The following ESRRG variants were observed in gnomAD, a reference collection of about 807,000 sequenced individuals.
The protein encoded by ESRRG is estrogen-related receptor gamma.
In ESRRG, 13 loss-of-function variants were observed where a neutral mutation model predicts 44.0. The observed-to-expected ratio is 0.30, with a 90% confidence interval of 0.19 to 0.47. The LOEUF (loss-of-function observed/expected upper bound fraction) is 0.47, where lower values mean the gene tolerates loss of function less well. Among genes scored for constraint, ESRRG ranks in the 20% least tolerant of loss-of-function variants. The pLI is 1.00. For missense variants in ESRRG, 395 were observed against 580.6 expected, an observed-to-expected ratio of 0.68 and a Z score of 3.29; for synonymous variants, 215 against 214.6, an observed-to-expected ratio of 1.00 and a Z score of -0.02.
intron 2 of ESRRG, among the ~76,000 whole-genome samples, chr1:216,733,068 A>C (rs1297659718): frequency 4.8e-3 from 3 of 630 alleles, no homozygotes. Flanking sequence ...CAATAATCCA[A>C]AAAAAAAAAA....
At chr1:216,648,285 T>A (rs1030068664) in intron 3 of ESRRG, among the ~76,000 whole-genome samples, 2 of 152,132 alleles carry the variant, frequency 1.3e-5, no homozygotes, top group Admixed American at 1.3e-4. Context: ...CATTTACTCA[T>A]AACCATCCCA....
intron 2 of ESRRG, among the ~76,000 whole-genome samples, chr1:216,780,386 C>A (rs567579315): frequency 6.6e-6 from 1 of 152,022 alleles, no homozygotes; most frequent in African/African-American, 2.4e-5. Context: ...TCAGGATGGA[C>A]CCTGGGAATG....
chr1:216,629,950 T>G (rs2063838260), intron 3 of ESRRG, among the ~76,000 whole-genome samples: 1 of 152,154 alleles, frequency 6.6e-6, no homozygotes, highest in South Asian at 2.1e-4. Context: ...TGTAAAAATT[T>G]TAAAAGAAAA....
chr1:217,119,006 G>C (rs1299063632), intron 1 of ESRRG, among the ~76,000 whole-genome samples: 1 of 21,016 alleles, frequency 4.8e-5, no homozygotes, highest in African/African-American at 1.2e-4. Flanking sequence ...AAACTAGATG[G>C]ATAGATAGAT....
At chr1:216,741,425 C>T (rs2152228615) in intron 2 of ESRRG, among the ~76,000 whole-genome samples, 1 of 150,022 alleles carries the variant, frequency 6.7e-6, no homozygotes. Flanking sequence ...CTAACACTCC[C>T]CCCCGCCCCT....
chr1:216,761,734 G>C (rs1022225503), intron 2 of ESRRG, among the ~76,000 whole-genome samples: 3 of 152,148 alleles, frequency 2.0e-5, no homozygotes, highest in East Asian at 3.9e-4. Context: ...ACCACAGTTT[G>C]AAATACCTTA....
chr1:216,818,405 G>A (rs939393222), intron 2 of ESRRG, among the ~76,000 whole-genome samples: 2 of 152,158 alleles, frequency 1.3e-5, no homozygotes, highest in East Asian at 3.9e-4. Flanking sequence ...AAATTGTAGA[G>A]GAATAAGGAA....
At chr1:216,710,488 T>C (rs893018282) in intron 1 of ESRRG, among the ~76,000 whole-genome samples, 13 of 152,200 alleles carry the variant, frequency 8.5e-5, no homozygotes, top group East Asian at 3.8e-4. Context: ...CTGACCACCA[T>C]TGGGTTATTT....
At chr1:216,684,451 C>T (rs2077567265) in intron 1 of ESRRG, among the ~76,000 whole-genome samples, 1 of 152,100 alleles carries the variant, frequency 6.6e-6, no homozygotes, top group African/African-American at 2.4e-5. Flanking sequence ...TTGTTTATGG[C>T]TCTAAATACA....
chr1:216,734,090 C>T lies in ESRRG; in HGVS notation c.-13-56599G>A, dbSNP rs528278816. 5.1e-3 allele frequency among the ~76,000 whole-genome samples: 768 copies of T among 151,382 alleles called. 3 individuals carry two copies. The highest frequency in any genetic ancestry group is 0.025 in the South Asian group (117 of 4,766). ...AATGGCCCTCTCCTCTGTGTCCTAT[C>T]ATGCTTTGCGCTTACTGGTCTAAAT... On this transcript the variant is annotated intron_variant, in intron 2 of 7. Coordinates refer to the ESRRG transcript ENST00000359162.
chr1:216,952,122 AC>A (rs1161978472), intron 1 of ESRRG, among the ~76,000 whole-genome samples: 1 of 151,790 alleles, frequency 6.6e-6, no homozygotes, highest in Non-Finnish European at 1.5e-5. Context: ...CCTTGCCAAC[AC>A]CCCCACTGGT....
chr1:217,115,436 C>T (rs965993252), intron 1 of ESRRG, among the ~76,000 whole-genome samples: 16 of 152,174 alleles, frequency 1.1e-4, no homozygotes, highest in South Asian at 1.0e-3. Context: ...CCTACAGGGC[C>T]CTATATGATC....
upstream of ESRRG, among the ~76,000 whole-genome samples, chr1:217,091,162 C>T (rs527603102): frequency 5.3e-5 from 8 of 152,128 alleles, no homozygotes; most frequent in Non-Finnish European, 1.2e-4. Context: ...TTTGGAGTAA[C>T]AACATTTGTT....
At chr1:216,540,205 G>T (rs1558362546) in intron 5 of ESRRG, among the ~76,000 whole-genome samples, 1 of 151,768 alleles carries the variant, frequency 6.6e-6, no homozygotes, top group Non-Finnish European at 1.5e-5. Flanking sequence ...TTTCATATTT[G>T]GAAGAATCTC....
intron 2 of ESRRG, among the ~76,000 whole-genome samples, chr1:216,938,307 C>T (rs2064512585): frequency 6.6e-6 from 1 of 152,178 alleles, no homozygotes; most frequent in Non-Finnish European, 1.5e-5. Flanking sequence ...GCAGGGCACA[C>T]CTGTAGTCCG....
chr1:216,746,061 A>G (rs1037426688), intron 2 of ESRRG, among the ~76,000 whole-genome samples: 2 of 152,238 alleles, frequency 1.3e-5, no homozygotes, highest in African/African-American at 4.8e-5. Flanking sequence ...AAAAAGTTCA[A>G]TAATGTAAAA....
intron 5 of ESRRG, among the ~76,000 whole-genome samples, chr1:216,529,728 C>T (rs929240799): frequency 1.3e-5 from 2 of 152,008 alleles, no homozygotes; most frequent in African/African-American, 4.8e-5. Flanking sequence ...TTTTCATTTT[C>T]CCACACGTGA....
chr1:216,700,247 ACT>A (rs1383048704), intron 1 of ESRRG, among the ~76,000 whole-genome samples: 2 of 151,910 alleles, frequency 1.3e-5, no homozygotes, highest in Non-Finnish European at 1.5e-5. Context: ...ATATAGGAAG[ACT>A]CTGGCTATTT....
chr1:216,779,217 A>G (rs1416435220), intron 2 of ESRRG, among the ~76,000 whole-genome samples: 14 of 61,522 alleles, frequency 2.3e-4, no homozygotes, highest in African/African-American at 8.0e-4. Context: ...ATAAATATAT[A>G]TTTATATTTA....
Sources: allele counts gnomAD v4.1 joint callset (sites outside exome capture counted in the v4.1 genomes callset), GRCh38; gene constraint gnomAD v4.1.1; transcripts MANE v1.5; gene names NCBI Gene and HGNC (gene_info 2026-07-23, HGNC 2026-07-21).